Variants in HSD11B1 observed in about 807,000 individuals in gnomAD.
HSD11B1 encodes hydroxysteroid 11-beta dehydrogenase 1, also known as 11-beta-hydroxysteroid dehydrogenase 1.
Under a neutral mutation model 22.1 loss-of-function variants are expected in HSD11B1, and 15 were observed. The observed-to-expected ratio is 0.68, with a 90% CI of 0.45 to 1.04. The LOEUF (loss-of-function observed/expected upper bound fraction) is 1.04. HSD11B1 is among the 50% of genes least tolerant of loss of function. HSD11B1 has a pLI of 0.00. For synonymous variants in HSD11B1, 122 were observed against 125.2 expected (o/e 0.97, Z 0.17); for missense variants, 281 against 357.6 (o/e 0.79, Z 1.73).
chr1:209,719,901 T>A lies in HSD11B1; in HGVS notation c.518-12535T>A, dbSNP rs1030204013. 3.3e-5 allele frequency among the ~76,000 whole-genome samples: 5 copies of A among 152,220 alleles called. No homozygotes were observed. The East Asian group carries it at 9.6e-4, about 29-fold the overall frequency. On this transcript the variant is annotated intron_variant, in intron 4 of 5. Transcript: ENST00000367027. ...CTTTATAGCATGATTTATAATCCTT[T>A]GGGTATATACCCAGTAATGGGATTG...
At chr1:209,723,960 G>C (rs1044680484) in intron 4 of HSD11B1, 1 of 152,220 alleles carries the variant, frequency 6.6e-6, no homozygotes, top group Non-Finnish European at 1.5e-5. Context: ...TTGTGGTTTG[G>C]GCAGCAGTTG....
intron 4 of HSD11B1, among the ~76,000 whole-genome samples, chr1:209,719,460 G>A (rs559610032): frequency 6.6e-6 from 1 of 152,330 alleles, no homozygotes; most frequent in Non-Finnish European, 1.5e-5. Context: ...TGTTTAATGG[G>A]TGTAGTTAGT....
At chr1:209,731,077 T>C (rs1464111196) in intron 4 of HSD11B1, among the ~76,000 whole-genome samples, 1 of 152,050 alleles carries the variant, frequency 6.6e-6, no homozygotes, top group Non-Finnish European at 1.5e-5. Flanking sequence ...AAGGAAGAGG[T>C]TGGGGTTACC....
chr1:209,722,763 T>C (rs2076974447), intron 4 of HSD11B1, among the ~76,000 whole-genome samples: 1 of 152,188 alleles, frequency 6.6e-6, no homozygotes, highest in Non-Finnish European at 1.5e-5. Flanking sequence ...GGCTCATTCA[T>C]TTGCCTGGGG....
chr1:209,732,009 G>C (rs1571889096), intron 4 of HSD11B1, among the ~76,000 whole-genome samples: 1 of 152,080 alleles, frequency 6.6e-6, no homozygotes, highest in African/African-American at 2.4e-5. Context: ...ACCTGGCCAG[G>C]ACAGGCAGTT....
chr1:209,705,982 C>G (rs1339569828), intron 2 of HSD11B1, 41 bp downstream of exon 2: 1 of 1,611,920 alleles, frequency 6.2e-7, no homozygotes, highest in Admixed American at 1.7e-5. Context: ...CCGTCACATG[C>G]TCAGATGTGT....
At position 209,734,179 on chromosome 1, in the gene HSD11B1, C is replaced by T. The variant is rs1319833795; in HGVS notation, c.662-125C>T. 4.1e-6 allele frequency: 3 copies of T among 734,244 alleles called. No homozygotes were observed. The African/African-American group carries it at 5.2e-5, about 13-fold the overall frequency. The allele number at this position is 734,244 out of a possible 1,614,324, so 45.5% of individuals were successfully genotyped here. ...TCTCTCCATGTATTCCCTATAGTGC[C>T]TGTGAGGCTTGCAGAGCAAACACTG... On this transcript the variant is annotated intron_variant, in intron 5 of 5. Transcript: ENST00000367027.
rs533164796 is a variant in HSD11B1 at position 209,734,816 on chromosome 1, A to G, written c.*295A>G. The stretch of plus-strand genomic sequence containing the variant: ...TATATATAATAATATGTGATGATTA[A>G]TACAATATTAATTATAATAAAGGTC... On this transcript the variant is annotated 3_prime_UTR_variant, in exon 6 of 6. Coordinates refer to ENST00000367027, the MANE Select transcript of HSD11B1 (RefSeq NM_005525.4). The G allele has an allele frequency of 5.9e-6, 1 of 169,020 alleles. No individual in the cohort carries two copies. The highest frequency in any genetic ancestry group is 1.3e-5 in the Non-Finnish European group (1 of 78,758). The allele number at this position is 169,020 out of a possible 1,614,324, so 10.5% of individuals were successfully genotyped here. A position where few individuals can be genotyped will look rare whatever the true frequency, so the allele number is the denominator to read the frequency against.
intron 4 of HSD11B1, among the ~76,000 whole-genome samples, chr1:209,711,208 A>G (rs1475334360): frequency 6.6e-6 from 1 of 152,162 alleles, no homozygotes; most frequent in Non-Finnish European, 1.5e-5. Context: ...AAGACCTATA[A>G]TGATGTTTTG....
At chr1:209,687,986 AT>A (rs2076738155) in intron 1 of HSD11B1, among the ~76,000 whole-genome samples, 1 of 152,334 alleles carries the variant, frequency 6.6e-6, no homozygotes, top group African/African-American at 2.4e-5. Context: ...TCTTCATATT[AT>A]CCTCATTTTA....
chr1:209,729,885 T>C (rs928421661), intron 4 of HSD11B1, among the ~76,000 whole-genome samples: 2 of 152,154 alleles, frequency 1.3e-5, no homozygotes, highest in African/African-American at 4.8e-5. Flanking sequence ...AAATATATAA[T>C]CATTTCAGTA....
chr1:209,729,363 AACACACACAC>A (rs34574844), intron 4 of HSD11B1, among the ~76,000 whole-genome samples: 2 of 146,438 alleles, frequency 1.4e-5, no homozygotes, highest in East Asian at 2.0e-4. Flanking sequence ...TGCCTCGGAA[AACACACACAC>A]ACACACACAC....
rs191060289 is a variant in HSD11B1 at position 209,688,497 on chromosome 1, G to A, written c.-49+2212G>A. Among the ~76,000 whole-genome samples, 270 of 152,228 alleles carry A rather than the reference G, an allele frequency of 1.8e-3. 1 individual carries two copies. Among genetic ancestry groups the A allele is most frequent in the African/African-American group, 6.2e-3 (256 of 41,528 alleles). The stretch of plus-strand genomic sequence containing the variant: ...ATTAGTGAGGCTTTGTATTCCCAGC[G>A]CCTAGCACAATTCCAGAGATGTATT... On this transcript the variant is annotated intron_variant, in intron 1 of 6. Transcript: ENST00000261465.
At chr1:209,697,705 TA>T (rs1340597012) in intron 1 of HSD11B1, among the ~76,000 whole-genome samples, 2 of 152,070 alleles carry the variant, frequency 1.3e-5, no homozygotes, top group African/African-American at 4.8e-5. Context: ...TCCACTTTGG[TA>T]AAGGTAGACC....
intron 4 of HSD11B1, among the ~76,000 whole-genome samples, chr1:209,708,240 G>A (rs2076873087): frequency 6.6e-6 from 1 of 152,160 alleles, no homozygotes; most frequent in South Asian, 2.1e-4. Context: ...GGATGTGGCT[G>A]GAAAGTGCAA....
rs561705855 is a variant in HSD11B1 at position 209,733,969 on chromosome 1, C to T, written c.662-335C>T. Reference sequence around the variant, plus strand: ...CATTAGCTACTGAGTCATTATGAGACTTCTATCCTCATTCTGCTCCCCCAT... The same window carrying T: ...CATTAGCTACTGAGTCATTATGAGATTTCTATCCTCATTCTGCTCCCCCAT... On this transcript the variant is annotated intron_variant, in intron 5 of 5. Coordinates refer to ENST00000367027, the MANE Select transcript of HSD11B1 (RefSeq NM_005525.4). Among the ~76,000 whole-genome samples, 4 of 152,162 alleles carry T rather than the reference C, an allele frequency of 2.6e-5. No individual in the cohort carries two copies. In the East Asian group the frequency reaches 7.7e-4, roughly 29 times the overall value.
intron 1 of HSD11B1, among the ~76,000 whole-genome samples, chr1:209,687,033 G>C (rs1272213471): frequency 2.0e-5 from 3 of 152,164 alleles, no homozygotes; most frequent in Admixed American, 1.3e-4. Flanking sequence ...ACAGGAAAGG[G>C]AAATACCATT....
At chr1:209,690,930 C>T (rs1251342178) in intron 1 of HSD11B1, among the ~76,000 whole-genome samples, 1 of 152,008 alleles carries the variant, frequency 6.6e-6, no homozygotes, top group Non-Finnish European at 1.5e-5. Context: ...CTAAAATTTA[C>T]CAAAATACAA....
At chr1:209,703,048 G>T (rs1282953638), upstream of HSD11B1, among the ~76,000 whole-genome samples, 1 of 152,128 alleles carries the variant, frequency 6.6e-6, no homozygotes, top group Non-Finnish European at 1.5e-5. Flanking sequence ...TTTTAATGGA[G>T]CCAACAATCA....
Sources: allele counts gnomAD v4.1 joint callset (sites outside exome capture counted in the v4.1 genomes callset), GRCh38; gene constraint gnomAD v4.1.1; transcripts MANE v1.5; gene names NCBI Gene and HGNC (gene_info 2026-07-23, HGNC 2026-07-21).